Variants in SUMF1 observed in about 807,000 individuals in gnomAD.
The protein encoded by SUMF1 is sulfatase modifying factor 1.
SUMF1 carries 48 observed loss-of-function variants against 47.6 expected under a neutral mutation model. The ratio of observed to expected loss-of-function variants is 1.01; its 90% CI spans 0.80 to 1.28. The LOEUF is 1.28. SUMF1 is among the 50% of genes most tolerant of loss of function. The pLI, the probability that SUMF1 is intolerant of heterozygous loss-of-function variation, is 0.00. For missense variants in SUMF1, 571 were observed against 485.4 expected (o/e 1.18, Z -1.66); for synonymous variants, 230 against 192.1 (o/e 1.20, Z -1.63).
chr3:4,054,927 A>G (rs1695166189), intron 9 of SUMF1, among the ~76,000 whole-genome samples: 1 of 152,152 alleles, frequency 6.6e-6, no homozygotes, highest in Non-Finnish European at 1.5e-5. Context: ...GAGAAATGTT[A>G]GGGAACATCC....
chr3:4,306,386 A>T (rs1198643429), intron 8 of SUMF1, among the ~76,000 whole-genome samples: 1 of 152,050 alleles, frequency 6.6e-6, no homozygotes, highest in African/African-American at 2.4e-5. Context: ...ATTAAAATAA[A>T]TACGTCTATT....
At chr3:4,349,474 C>T (rs184200085) in intron 8 of SUMF1, among the ~76,000 whole-genome samples, 160 of 152,266 alleles carry the variant, frequency 1.1e-3, no homozygotes, top group South Asian at 2.1e-3. Flanking sequence ...CTCAGCAATA[C>T]CATTCCTGGA....
At chr3:4,161,009 C>T (rs114740767) in intron 8 of SUMF1, among the ~76,000 whole-genome samples, 1 of 152,056 alleles carries the variant, frequency 6.6e-6, no homozygotes, top group African/African-American at 2.4e-5. Flanking sequence ...GTATTGTGAT[C>T]TAAATTTTTA....
At chr3:4,261,684 C>A (rs190787992) in intron 8 of SUMF1, among the ~76,000 whole-genome samples, 4 of 152,154 alleles carry the variant, frequency 2.6e-5, no homozygotes, top group Non-Finnish European at 4.4e-5. Context: ...GAGTCAGGAG[C>A]GTGAAGGACA....
At chr3:4,072,059 G>T (rs559448401) in intron 8 of SUMF1, among the ~76,000 whole-genome samples, 1 of 152,128 alleles carries the variant, frequency 6.6e-6, no homozygotes, top group Non-Finnish European at 1.5e-5. Context: ...TTGGCATCTG[G>T]CAGGTGCCCC....
At chr3:4,066,039 C>T (rs538433270) in intron 9 of SUMF1, among the ~76,000 whole-genome samples, 16 of 152,130 alleles carry the variant, frequency 1.1e-4, no homozygotes, top group African/African-American at 3.9e-4. Flanking sequence ...CAAGGGATCC[C>T]ACTGACGAAA....
chr3:4,303,849 G>A, intron 8 of SUMF1: 1 of 1,324,944 alleles, frequency 7.5e-7, no homozygotes, highest in South Asian at 1.3e-5. Context: ...TACCTCCCTG[G>A]TCTCAGGTGT....
intron 8 of SUMF1, among the ~76,000 whole-genome samples, chr3:4,308,865 G>C (rs1289244211): frequency 3.3e-5 from 5 of 152,202 alleles, no homozygotes; most frequent in African/African-American, 1.2e-4. Flanking sequence ...TATTTGAAGA[G>C]ATTTATTCTG....
At chr3:4,138,427 T>C (rs911364079) in intron 8 of SUMF1, among the ~76,000 whole-genome samples, 1 of 152,136 alleles carries the variant, frequency 6.6e-6, no homozygotes, top group Admixed American at 6.6e-5. Flanking sequence ...TGGGGGCTTT[T>C]GGATATTCCA....
Position 4,453,786 on chromosome 3 carries a change from G to A in SUMF1, c.271-737C>T, listed in dbSNP as rs186294334. On this transcript the variant is annotated intron_variant, in intron 1 of 8. Coordinates refer to ENST00000272902, the MANE Select transcript of SUMF1 (RefSeq NM_182760.4). Reference sequence around the variant, plus strand: ...TGACCTCAGGTGATCCACCCGCCTCGGCCTCCCAAAGTGCTAGGATTACAG... The same window carrying A: ...TGACCTCAGGTGATCCACCCGCCTCAGCCTCCCAAAGTGCTAGGATTACAG... Among the ~76,000 whole-genome samples the A allele has an allele frequency of 1.5e-4, 23 of 151,898 alleles. No individual in the cohort carries two copies. In the East Asian group the frequency reaches 2.5e-3, roughly 17 times the overall value.
chr3:4,408,879 T>C (rs1701455265), intron 7 of SUMF1, among the ~76,000 whole-genome samples: 1 of 151,802 alleles, frequency 6.6e-6, no homozygotes, highest in African/African-American at 2.4e-5. Context: ...TGAGAATCGA[T>C]TGAACACGGG....
intron 1 of SUMF1, 132 bp from the exon 2 acceptor site, chr3:4,453,181 GA>G (rs1703033805): frequency 3.3e-6 from 3 of 908,954 alleles, no homozygotes; most frequent in South Asian, 2.9e-5. Context: ...GTAAAATTCG[GA>G]AAAATCTCTC....
intron 8 of SUMF1, among the ~76,000 whole-genome samples, chr3:4,094,087 C>G (rs1692847576): frequency 6.6e-6 from 1 of 151,980 alleles, no homozygotes; most frequent in African/African-American, 2.4e-5. Context: ...ATAAGAAAGA[C>G]AATCAAAGTT....
At chr3:4,084,905 A>G (rs1692639994) in intron 8 of SUMF1, among the ~76,000 whole-genome samples, 1 of 152,126 alleles carries the variant, frequency 6.6e-6, no homozygotes, top group South Asian at 2.1e-4. Context: ...CCAGTTTTCA[A>G]CATAACAGGT....
intron 8 of SUMF1, among the ~76,000 whole-genome samples, chr3:4,196,273 G>A (rs545377981): frequency 2.0e-5 from 3 of 152,176 alleles, no homozygotes; most frequent in African/African-American, 7.2e-5. Flanking sequence ...GCTTAATGAA[G>A]GAAGAAAGAG....
At chr3:4,120,621 CCT>C (rs771110169) in intron 8 of SUMF1, among the ~76,000 whole-genome samples, 15 of 151,960 alleles carry the variant, frequency 9.9e-5, no homozygotes, top group Non-Finnish European at 2.1e-4. Context: ...GGAAAGGGTC[CCT>C]CTCTCACCAC....
Position 4,320,791 on chromosome 3 carries a change from T to C in SUMF1, c.1014+55539A>G, listed in dbSNP as rs568107509. Among the ~76,000 whole-genome samples the C allele has an allele frequency of 5.6e-4, 85 of 152,308 alleles. No homozygotes were observed. The Middle Eastern group carries it at 0.014, about 24-fold the overall frequency. On this transcript the variant is annotated intron_variant and NMD_transcript_variant, in intron 8 of 12. Coordinates refer to the SUMF1 transcript ENST00000448413. ...AGGGAGGAGTCTCAACACAAATGTA[T>C]TCCTTTTGGAAGAACTTCCCTCAGT... is the stretch of plus-strand genomic sequence containing the variant.
intron 8 of SUMF1, among the ~76,000 whole-genome samples, chr3:4,092,981 C>T (rs539343307): frequency 5.3e-5 from 8 of 151,902 alleles, no homozygotes; most frequent in Non-Finnish European, 1.2e-4. Context: ...ATGAATGTGC[C>T]AATGTTTATA....
chr3:4,232,279 C>A (rs1357728254), intron 8 of SUMF1, among the ~76,000 whole-genome samples: 1 of 152,120 alleles, frequency 6.6e-6, no homozygotes, highest in African/African-American at 2.4e-5. Context: ...GGAAAGACAG[C>A]AAGCACGTTG....
Sources: gnomAD v4.1 joint callset for allele counts (sites outside exome capture counted in the v4.1 genomes callset) on GRCh38, gnomAD v4.1.1 for gene constraint, MANE v1.5 for transcripts, NCBI Gene and HGNC (gene_info 2026-07-23, HGNC 2026-07-21) for gene names.